DOCK8: variants seen among roughly 807,000 people sequenced by gnomAD.
The protein encoded by DOCK8 is dedicator of cytokinesis protein 8.
A neutral mutation model predicts 245.6 loss-of-function variants in DOCK8; 141 were observed. The observed-to-expected ratio is 0.57, with a 90% confidence interval of 0.50 to 0.66. The LOEUF (loss-of-function observed/expected upper bound fraction) is 0.66. DOCK8 is among the 30% of genes least tolerant of loss of function. The pLI is 0.00. For missense variants in DOCK8, 2,965 were observed against 2,603.4 expected, an observed-to-expected ratio of 1.14 and a Z score of -3.02; for synonymous variants, 1,168 against 970.2, an observed-to-expected ratio of 1.20 and a Z score of -3.79.
chr9:246,017 C>G lies in DOCK8; in HGVS notation c.54-25610C>G, dbSNP rs146938284. Reference sequence around the variant, plus strand: ...GGTGGATTGCCTGAGCTCAGGAGTTCTAGACCAACCTGGGCAACATGGTGA... The same window carrying G: ...GGTGGATTGCCTGAGCTCAGGAGTTGTAGACCAACCTGGGCAACATGGTGA... On this transcript the variant is annotated intron_variant, in intron 1 of 47. Coordinates refer to ENST00000432829, the MANE Select transcript of DOCK8 (RefSeq NM_203447.4). Among the ~76,000 whole-genome samples the G allele has an allele frequency of 5.9e-3, 904 of 152,216 alleles. 8 individuals are homozygous for G. Among genetic ancestry groups the G allele is most frequent in the Middle Eastern group, 0.031 (9 of 294 alleles).
chr9:375,086 C>G (rs918927385), intron 18 of DOCK8, among the ~76,000 whole-genome samples: 4 of 152,146 alleles, frequency 2.6e-5, no homozygotes, highest in African/African-American at 9.7e-5. Context: ...AATTTTCAGG[C>G]TTTCAAATAT....
At chr9:333,600 CA>C (rs55727463) in intron 10 of DOCK8, among the ~76,000 whole-genome samples, 43,614 of 120,958 alleles carry the variant, frequency 0.36, 6,286 homozygotes, top group African/African-American at 0.41. Flanking sequence ...GACTCTGTCT[CA>C]AAAAAAAAAA....
intron 1 of DOCK8, among the ~76,000 whole-genome samples, chr9:232,640 G>A (rs1030120985): frequency 7.2e-5 from 11 of 152,158 alleles, no homozygotes; most frequent in African/African-American, 1.2e-4. Context: ...TGTATGTGTC[G>A]AGGAATTTAT....
chr9:359,722 A>G (rs796645341), intron 14 of DOCK8, among the ~76,000 whole-genome samples: 1 of 149,704 alleles, frequency 6.7e-6, no homozygotes, highest in Non-Finnish European at 1.5e-5. Context: ...CTTTTCCTGT[A>G]GTTTTTGAAT....
intron 27 of DOCK8, among the ~76,000 whole-genome samples, chr9:406,720 G>C (rs956320028): frequency 6.6e-6 from 1 of 151,930 alleles, no homozygotes; most frequent in Non-Finnish European, 1.5e-5. Flanking sequence ...CATCTTTCCC[G>C]CTGGGCAGTC....
rs767800270 is a variant in DOCK8, at chr9:372,156, C to T, written c.2008-29C>T. 4 of 1,550,988 alleles carry T rather than the reference C, an allele frequency of 2.6e-6. No homozygotes were observed. The Admixed American group carries it at 6.7e-5, about 26-fold the overall frequency. ...CAGAATTATATGCTGTAATAAATAC[C>T]ACTTTATTATTTACATCATCTGTTT... On this transcript the variant is annotated intron_variant, in intron 17 of 47. Coordinates refer to ENST00000432829, the MANE Select transcript of DOCK8 (RefSeq NM_203447.4).
At chr9:215,943 C>T (rs2046741027) in intron 1 of DOCK8, among the ~76,000 whole-genome samples, 1 of 152,202 alleles carries the variant, frequency 6.6e-6, no homozygotes, top group Non-Finnish European at 1.5e-5. Flanking sequence ...ACAGGGCTGT[C>T]CGATTTGTTA....
At chr9:444,717 T>C (rs2057198938) in intron 43 of DOCK8, among the ~76,000 whole-genome samples, 1 of 152,198 alleles carries the variant, frequency 6.6e-6, no homozygotes, top group Admixed American at 6.5e-5. Context: ...ATGAGTCACC[T>C]CATTAGCATC....
intron 2 of DOCK8, among the ~76,000 whole-genome samples, chr9:282,920 A>G (rs1356734850): frequency 6.6e-6 from 1 of 152,186 alleles, no homozygotes; most frequent in African/African-American, 2.4e-5. Flanking sequence ...CTTCACAATA[A>G]GTTTACATTT....
chr9:435,854 A>G (rs1016692057), intron 39 of DOCK8, among the ~76,000 whole-genome samples: 1 of 152,196 alleles, frequency 6.6e-6, no homozygotes, highest in African/African-American at 2.4e-5. Flanking sequence ...TTTGTAAGAG[A>G]CATAGTTTGT....
At chr9:429,878 G>A (rs374485029) in intron 36 of DOCK8, 24 bp downstream of exon 36, 10 of 1,613,382 alleles carry the variant, frequency 6.2e-6, no homozygotes, top group South Asian at 2.2e-5. Flanking sequence ...CCAGCTGAGT[G>A]ACCTGGAATC....
At chr9:215,291 G>A in intron 1 of DOCK8, 8 of 1,608,466 alleles carry the variant, frequency 5.0e-6, no homozygotes, top group Non-Finnish European at 6.8e-6. Flanking sequence ...TCCCTTCCCC[G>A]AACAACCTCG....
chr9:445,018 G>A (rs2057207948), intron 43 of DOCK8, among the ~76,000 whole-genome samples: 1 of 152,214 alleles, frequency 6.6e-6, no homozygotes, highest in Non-Finnish European at 1.5e-5. Flanking sequence ...TGGAAGAGGG[G>A]AAGAATTGGC....
chr9:308,503 A>G (rs979495445), intron 5 of DOCK8, among the ~76,000 whole-genome samples: 3 of 152,256 alleles, frequency 2.0e-5, no homozygotes, highest in African/African-American at 7.2e-5. Context: ...TGGTGAGGCC[A>G]CATAGCTAGA....
rs10758598 is a variant in DOCK8, at chr9:439,453, G to C, written c.5223+65G>C. On this transcript the variant is annotated intron_variant, in intron 40 of 47. Transcript: ENST00000432829. The stretch of plus-strand genomic sequence containing the variant: ...ACTCCAGCTGGACTTGGGGTGCTGG[G>C]AACACCTGGTCTTAATGGCCCAGTC... The C allele has an allele frequency of 0.7, 1,110,887 of 1,598,292 alleles. 396,268 individuals are homozygous for C. Among genetic ancestry groups the C allele is most frequent in the East Asian group, 0.95 (42,404 of 44,710 alleles).
Position 414,857 on chromosome 9 carries a change from T to C in DOCK8, c.3606T>C (p.Cys1202=), listed in dbSNP as rs143919622. 500 of 1,614,234 alleles carry C rather than the reference T, an allele frequency of 3.1e-4. 2 individuals carry two copies. In the African/African-American group the frequency reaches 5.8e-3, roughly 19 times the overall value. Residue 1202 remains cysteine (C), a synonymous_variant, in exon 29 of 48, where the codon TGT becomes TGC. Coordinates refer to ENST00000432829, the MANE Select transcript of DOCK8 (RefSeq NM_203447.4). ...LLSSHDLDPR[C]VKPEVKVKIA... is the part of the protein sequence containing the mutation. ...GTTCTCACGACCTGGACCCACGCTG[T>C]GTCAAACCAGAGGTGAAGGTCAAAA...
At chr9:387,424 CAGAA>C (rs1446355700) in intron 23 of DOCK8, among the ~76,000 whole-genome samples, 2 of 137,770 alleles carry the variant, frequency 1.5e-5, no homozygotes, top group African/African-American at 2.7e-5. Flanking sequence ...GCCTGGGCGA[CAGAA>C]TGAGACTCCA....
intron 29 of DOCK8, 86 bp from the exon 30 acceptor site, chr9:417,981 AC>A: frequency 6.4e-7 from 1 of 1,563,876 alleles, no homozygotes; most frequent in South Asian, 1.1e-5. Flanking sequence ...GACTTTAGTG[AC>A]TGAGAAGTAT....
chr9:315,026 A>C (rs1053083081), intron 6 of DOCK8, among the ~76,000 whole-genome samples: 2 of 152,318 alleles, frequency 1.3e-5, no homozygotes, highest in African/African-American at 2.4e-5. Flanking sequence ...GATTCCACTG[A>C]TACTCCAAAT....
Sources: allele counts gnomAD v4.1 joint callset (sites outside exome capture counted in the v4.1 genomes callset), GRCh38; gene constraint gnomAD v4.1.1; transcripts MANE v1.5; gene names NCBI Gene and HGNC (gene_info 2026-07-23, HGNC 2026-07-21).